Variants in KCTD5 observed in about 807,000 individuals in gnomAD.
KCTD5 encodes BTB/POZ domain-containing protein KCTD5.
In KCTD5, 12 loss-of-function variants were observed where a neutral mutation model predicts 27.9. The ratio of observed to expected loss-of-function variants is 0.43; its 90% CI spans 0.28 to 0.70. The LOEUF (loss-of-function observed/expected upper bound fraction) is 0.70. Among genes scored for constraint, KCTD5 ranks in the 30% least tolerant of loss-of-function variants. The pLI, the probability that KCTD5 is intolerant of heterozygous loss-of-function variation, is 0.19. For synonymous variants in KCTD5, 147 were observed against 121.4 expected, an observed-to-expected ratio of 1.21 and a Z score of -1.39; for missense variants, 226 against 274.8, an observed-to-expected ratio of 0.82 and a Z score of 1.26.
At chr16:2,689,462 C>G (rs1459064720) in intron 1 of KCTD5, among the ~76,000 whole-genome samples, 1 of 126,284 alleles carries the variant, frequency 7.9e-6, no homozygotes, top group Non-Finnish European at 1.7e-5. Flanking sequence ...CAGAGTTTAT[C>G]TCCTGGATTG....
At chr16:2,699,267 C>A (rs1357058972) in intron 3 of KCTD5, 2 of 455,008 alleles carry the variant, frequency 4.4e-6, no homozygotes, top group African/African-American at 4.0e-5. Context: ...CACCATCACT[C>A]CCAGGACCAC....
In KCTD5 at chr16:2,705,486, C is replaced by G. The variant is rs967445109; in HGVS notation, c.676-1812C>G. 2.6e-5 allele frequency among the ~76,000 whole-genome samples: 4 copies of G among 152,262 alleles called. No individual in the cohort carries two copies. In the East Asian group the frequency reaches 7.7e-4, roughly 29 times the overall value. On this transcript the variant is annotated intron_variant, in intron 5 of 5. Transcript: ENST00000301738. ...TGGGGGCTGGGCAGGGAGTGCCACT[C>G]GTGCCGCCAGCCCTAGTGGGTGACC...
intron 1 of KCTD5, among the ~76,000 whole-genome samples, chr16:2,691,387 G>A (rs1217157328): frequency 6.6e-6 from 1 of 152,254 alleles, no homozygotes; most frequent in Non-Finnish European, 1.5e-5. Context: ...CCACAGAAGA[G>A]CCAGTTTTGG....
chr16:2,703,775 T>C (rs963233981), intron 5 of KCTD5, among the ~76,000 whole-genome samples: 1 of 151,992 alleles, frequency 6.6e-6, no homozygotes, highest in Non-Finnish European at 1.5e-5. Flanking sequence ...GCCGAGGCAG[T>C]GTAGGCTGGG....
chr16:2,702,490 G>C lies in KCTD5; in HGVS notation c.675+12G>C. The C allele has an allele frequency of 6.2e-7, 1 of 1,612,098 alleles. No homozygotes were observed. The highest frequency in any genetic ancestry group is 1.1e-5 in the South Asian group (1 of 90,986). ...GCGAGAAGGCCAAGGTGAGTGCTGG[G>C]CCGGCCCTGGCCTGGGGCAGTCTTG... On this transcript the variant is annotated intron_variant, in intron 5 of 5. Transcript: ENST00000301738.
chr16:2,692,692 C>G (rs1024808882), intron 1 of KCTD5, among the ~76,000 whole-genome samples: 3 of 152,254 alleles, frequency 2.0e-5, no homozygotes, highest in Non-Finnish European at 4.4e-5. Flanking sequence ...CATGCCCTCC[C>G]TGGCCTGAAG....
rs557149248 is a variant in KCTD5 at position 2,707,563 on chromosome 16, G to A, written c.*236G>A. ...CGGCCGGGTGGGCGCTGCCTCTTGG[G>A]GGGGCCTCGCTCTGTTTTTTCCAAG... On this transcript the variant is annotated 3_prime_UTR_variant, in exon 6 of 6. Coordinates refer to ENST00000301738, the MANE Select transcript of KCTD5 (RefSeq NM_018992.4). The A allele has an allele frequency of 3.2e-5, 20 of 633,542 alleles. 1 individual carries two copies. The highest frequency in any genetic ancestry group is 4.1e-4 in the Middle Eastern group (1 of 2,422). 39.2% of individuals were successfully genotyped at this position (633,542 alleles called of 1,614,324 possible). A position where few individuals can be genotyped will look rare whatever the true frequency, so the allele number is the denominator to read the frequency against.
At chr16:2,706,287 C>T (rs2067635482) in intron 5 of KCTD5, among the ~76,000 whole-genome samples, 1 of 152,188 alleles carries the variant, frequency 6.6e-6, no homozygotes, top group African/African-American at 2.4e-5. Context: ...CACCTCTCAC[C>T]ACTGCCCTCT....
At chr16:2,704,539 G>A (rs1014356735) in intron 5 of KCTD5, among the ~76,000 whole-genome samples, 23 of 152,252 alleles carry the variant, frequency 1.5e-4, no homozygotes, top group Non-Finnish European at 2.8e-4. Flanking sequence ...CTCACTGAGA[G>A]CGCTTAGACT....
intron 1 of KCTD5, among the ~76,000 whole-genome samples, chr16:2,691,551 C>G (rs890298443): frequency 6.6e-6 from 1 of 152,204 alleles, no homozygotes; most frequent in Non-Finnish European, 1.5e-5. Context: ...GTCCACGCAG[C>G]CTGGGTAGGT....
intron 1 of KCTD5, among the ~76,000 whole-genome samples, chr16:2,693,639 G>T (rs1258276716): frequency 1.3e-5 from 2 of 152,208 alleles, no homozygotes; most frequent in African/African-American, 4.8e-5. Context: ...CATCCTTCCA[G>T]TTGCAGGGCT....
intron 4 of KCTD5, among the ~76,000 whole-genome samples, chr16:2,701,921 C>G (rs768288830): frequency 6.6e-6 from 1 of 152,154 alleles, no homozygotes; most frequent in South Asian, 2.1e-4. Context: ...CCGCCCTGGC[C>G]GAACTCCTGG....
chr16:2,701,036 C>T (rs560455429), intron 4 of KCTD5, among the ~76,000 whole-genome samples: 16 of 152,290 alleles, frequency 1.1e-4, no homozygotes, highest in African/African-American at 3.8e-4. Flanking sequence ...GGCTGGGGCC[C>T]TGGGAAGCCG....
chr16:2,698,782 C>T (rs1220836497), intron 3 of KCTD5, among the ~76,000 whole-genome samples: 2 of 152,260 alleles, frequency 1.3e-5, no homozygotes, highest in Non-Finnish European at 2.9e-5. Flanking sequence ...CCTGCTGGAG[C>T]TCCCTTGGTG....
At chr16:2,688,612 G>T (rs1016777051) in intron 1 of KCTD5, among the ~76,000 whole-genome samples, 5 of 141,266 alleles carry the variant, frequency 3.5e-5, no homozygotes, top group African/African-American at 1.1e-4. Flanking sequence ...TGTTAATGTC[G>T]ACCTCTGGCC....
intron 3 of KCTD5, among the ~76,000 whole-genome samples, chr16:2,698,976 C>T (rs1018349526): frequency 2.0e-5 from 3 of 152,224 alleles, no homozygotes; most frequent in Admixed American, 1.3e-4. Flanking sequence ...GGAGAGTCTG[C>T]GGTCCAGCCT....
chr16:2,702,320 C>T, intron 4 of KCTD5, 33 bp from the exon 5 acceptor site: 1 of 1,612,544 alleles, frequency 6.2e-7, no homozygotes, highest in Non-Finnish European at 8.5e-7. Flanking sequence ...TCAGGCTTCA[C>T]TGGGCTGCGT....
At chr16:2,702,293 C>T in intron 4 of KCTD5, 60 bp from the exon 5 acceptor site, 1 of 1,605,020 alleles carries the variant, frequency 6.2e-7, no homozygotes, top group Non-Finnish European at 8.5e-7. Flanking sequence ...CTGGTCATGT[C>T]AGCCTGGCTG....
At chr16:2,684,877 G>A (rs540203953) in intron 1 of KCTD5, 1 of 152,170 alleles carries the variant, frequency 6.6e-6, no homozygotes, top group South Asian at 2.1e-4. Flanking sequence ...GGTGGAGCTT[G>A]CAGTGAGTCA....
Sources: allele counts gnomAD v4.1 joint callset (sites outside exome capture counted in the v4.1 genomes callset), GRCh38; gene constraint gnomAD v4.1.1; transcripts MANE v1.5; gene names NCBI Gene and HGNC (gene_info 2026-07-23, HGNC 2026-07-21).